The following BCAS3 variants were observed in gnomAD, a reference collection of about 807,000 sequenced individuals.
BCAS3 encodes BCAS4/BCAS3 fusion.
In BCAS3, 53 loss-of-function variants were observed where a neutral mutation model predicts 116.1. The observed-to-expected ratio is 0.46, with a 90% CI of 0.37 to 0.57. The LOEUF is 0.57. Among genes scored for constraint, BCAS3 ranks in the 20% least tolerant of loss-of-function variants. The pLI is 0.00. For missense variants in BCAS3, 917 were observed against 1,165.4 expected, an observed-to-expected ratio of 0.79 and a Z score of 3.10; for synonymous variants, 391 against 408.2, an observed-to-expected ratio of 0.96 and a Z score of 0.51.
At chr17:60,739,407 G>A (rs558584426) in intron 5 of BCAS3, among the ~76,000 whole-genome samples, 1 of 152,206 alleles carries the variant, frequency 6.6e-6, no homozygotes, top group South Asian at 2.1e-4. Context: ...ATCACCTGAG[G>A]TCAGGAGATC....
At chr17:60,733,443 C>T (rs1027678710) in intron 5 of BCAS3, among the ~76,000 whole-genome samples, 1 of 152,240 alleles carries the variant, frequency 6.6e-6, no homozygotes, top group Non-Finnish European at 1.5e-5. Context: ...ATTCAGAAGA[C>T]TCTTGACATG....
rs755966067 is a variant in BCAS3 at position 60,976,020 on chromosome 17, CT to C, written c.1222-13931del. ...GCAAACATTTGTATATAGATTTTTG[CT>C]TTTTTTTTTTTTTTTTTTTCTTTTT... On this transcript the variant is annotated intron_variant, in intron 14 of 23. Transcript: ENST00000407086. Among the ~76,000 whole-genome samples the C allele has an allele frequency of 3.7e-3, 360 of 98,270 alleles. 2 individuals are homozygous for C. Among genetic ancestry groups the C allele is most frequent in the African/African-American group, 8.2e-3 (196 of 24,024 alleles). The allele number at this position is 98,270 out of a possible 152,430, so 64.5% of individuals were successfully genotyped here. A position where few individuals can be genotyped will look rare whatever the true frequency, so the allele number is the denominator to read the frequency against.
At chr17:60,818,027 G>C (rs1008741532) in intron 7 of BCAS3, among the ~76,000 whole-genome samples, 1 of 151,818 alleles carries the variant, frequency 6.6e-6, no homozygotes, top group Non-Finnish European at 1.5e-5. Context: ...GCTAATTTTT[G>C]TAATTTTAGT....
rs1432225536 is a variant in BCAS3, at chr17:61,034,971, A to G, written c.1762+181A>G. 6.6e-6 allele frequency among the ~76,000 whole-genome samples: 1 copy of G among 152,156 alleles called. No homozygotes were observed. The highest frequency in any genetic ancestry group is 2.4e-5 in the African/African-American group (1 of 41,440). ...AGTCAAGAAGAAAAACTATCCTCTC[A>G]GTATGAACGTTAATGAATTGCCCAC... On this transcript the variant is annotated intron_variant, in intron 17 of 23. Coordinates refer to ENST00000407086, the MANE Select transcript of BCAS3 (RefSeq NM_017679.5). This position sits in a 1 kb window ranked among gnomAD's most constrained non-coding sequence, Gnocchi z 5.0.
intron 7 of BCAS3, 65 bp from the exon 8 acceptor site, chr17:60,868,511 G>A (rs1401808895): frequency 2.2e-6 from 2 of 921,818 alleles, no homozygotes; most frequent in Admixed American, 3.3e-5. Context: ...TAATGAGAAA[G>A]TATAGAGATT....
chr17:61,067,652 G>A (rs973981158), intron 19 of BCAS3, among the ~76,000 whole-genome samples: 5 of 149,540 alleles, frequency 3.3e-5, no homozygotes, highest in African/African-American at 1.2e-4. Flanking sequence ...GGAGGCGGAG[G>A]CTGCAGTGAG....
At chr17:60,916,572 C>G (rs2058788998) in intron 12 of BCAS3, among the ~76,000 whole-genome samples, 1 of 152,064 alleles carries the variant, frequency 6.6e-6, no homozygotes, top group Non-Finnish European at 1.5e-5. Context: ...TGTGAGATAT[C>G]CTTTTTAATG....
At chr17:60,910,038 G>C (rs1277101524) in intron 11 of BCAS3, among the ~76,000 whole-genome samples, 3 of 152,120 alleles carry the variant, frequency 2.0e-5, no homozygotes, top group Non-Finnish European at 1.5e-5. Context: ...CATATTCATA[G>C]ATTTGCTTTG....
chr17:61,286,967 G>C lies in BCAS3; in HGVS notation c.2426-81360G>C, dbSNP rs1370074855. The stretch of plus-strand genomic sequence containing the variant: ...CTTTACACCTAAAGAGCTCTATGGA[G>C]GCCAGGCGTGGTGGCTCGCGCCTGT... On this transcript the variant is annotated intron_variant, in intron 22 of 23. Coordinates refer to ENST00000407086, the MANE Select transcript of BCAS3 (RefSeq NM_017679.5). This position sits in a 1 kb window ranked among gnomAD's most constrained non-coding sequence, Gnocchi z 4.8. Among the ~76,000 whole-genome samples, 1 of 152,214 alleles carries C rather than the reference G, an allele frequency of 6.6e-6. No individual in the cohort carries two copies. The highest frequency in any genetic ancestry group is 2.4e-5 in the African/African-American group (1 of 41,462).
rs1197669998 is a variant in BCAS3, at chr17:61,165,571, AG to A, written c.2425+81008del. ...CATGGTGTCACATGCCTGTAATCCC[AG>A]CTACTCGGGAGGCTGAGGCAGGAGA... On this transcript the variant is annotated intron_variant, in intron 22 of 23. Coordinates refer to ENST00000407086, the MANE Select transcript of BCAS3 (RefSeq NM_017679.5). Among the ~76,000 whole-genome samples the A allele has an allele frequency of 2.2e-4, 33 of 152,204 alleles. No homozygotes were observed. In the East Asian group the frequency reaches 6.4e-3, roughly 29 times the overall value.
chr17:60,843,515 C>G (rs1402672389), intron 7 of BCAS3, among the ~76,000 whole-genome samples: 1 of 152,030 alleles, frequency 6.6e-6, no homozygotes, highest in Non-Finnish European at 1.5e-5. Flanking sequence ...CCACTGCACC[C>G]GGCCATACTA....
chr17:60,697,602 A>G (rs897802053), intron 4 of BCAS3, among the ~76,000 whole-genome samples: 2 of 149,780 alleles, frequency 1.3e-5, no homozygotes, highest in Non-Finnish European at 2.9e-5. Context: ...AAAAAAAAAA[A>G]AGATTCGGTT....
chr17:60,961,685 T>C lies in BCAS3; in HGVS notation c.1221+14333T>C, dbSNP rs772206352. Among the ~76,000 whole-genome samples, 1 of 152,126 alleles carries C rather than the reference T, an allele frequency of 6.6e-6. No individual in the cohort carries two copies. Among genetic ancestry groups the C allele is most frequent in the Non-Finnish European group, 1.5e-5 (1 of 68,014 alleles). ...AGTTCAGTGGTAATAAATACATTTC[T>C]ATTCCTTTTCTTCCCCTTCATTCAC... On this transcript the variant is annotated intron_variant, in intron 14 of 23. Coordinates refer to ENST00000407086, the MANE Select transcript of BCAS3 (RefSeq NM_017679.5). This position sits in a 1 kb window ranked among gnomAD's most constrained non-coding sequence, Gnocchi z 4.8.
chr17:60,858,091 T>A (rs1567725620), intron 7 of BCAS3, among the ~76,000 whole-genome samples: 1 of 152,116 alleles, frequency 6.6e-6, no homozygotes, highest in Non-Finnish European at 1.5e-5. Context: ...AATGTTAGAT[T>A]TCATTCATTA....
intron 22 of BCAS3, among the ~76,000 whole-genome samples, chr17:61,103,047 G>C (rs1012114144): frequency 6.6e-6 from 1 of 152,106 alleles, no homozygotes; most frequent in Non-Finnish European, 1.5e-5. Context: ...TCCAGAGCCT[G>C]TGTTTTTAGC....
rs1329334988 is a variant in BCAS3, at chr17:60,788,934, AC to A, written c.404-19068del. Among the ~76,000 whole-genome samples, 10 of 152,292 alleles carry A rather than the reference AC, an allele frequency of 6.6e-5. No homozygotes were observed. The East Asian group carries it at 1.7e-3, about 26-fold the overall frequency. ...ATTTAGATTTGCAAAATTTGACTAT[AC>A]CTTGAAAGCTCACATTGAGTGAATA... On this transcript the variant is annotated intron_variant, in intron 6 of 23. Coordinates refer to ENST00000407086, the MANE Select transcript of BCAS3 (RefSeq NM_017679.5).
chr17:61,364,961 G>A lies in BCAS3; in HGVS notation c.2426-3366G>A, dbSNP rs1399086719. 6.6e-6 allele frequency among the ~76,000 whole-genome samples: 1 copy of A among 152,148 alleles called. No homozygotes were observed. Among genetic ancestry groups the A allele is most frequent in the Admixed American group, 6.5e-5 (1 of 15,270 alleles). On this transcript the variant is annotated intron_variant, in intron 22 of 23. Transcript: ENST00000407086. The surrounding 1 kb of genome is among the most constrained non-coding windows in gnomAD (Gnocchi z 5.4). Reference sequence around the variant, plus strand: ...TGATGATGCCCCAAGTGGTATAAAGGCATACATATTTGTCATTAAGAACAT... The same window carrying A: ...TGATGATGCCCCAAGTGGTATAAAGACATACATATTTGTCATTAAGAACAT...
At chr17:61,006,608 G>A (rs1318974165) in intron 15 of BCAS3, among the ~76,000 whole-genome samples, 1 of 152,022 alleles carries the variant, frequency 6.6e-6, no homozygotes, top group Non-Finnish European at 1.5e-5. Flanking sequence ...ACTTTGGGGA[G>A]CACATTTCAC....
In BCAS3 at chr17:60,709,344, G is replaced by A; in HGVS notation, c.321+19G>A. ...CATCCCTGTAAGTACACATGTGGTTGAATACCTAAAACATACTTCCCAGCA... is the reference window on the plus strand; with the variant it reads ...CATCCCTGTAAGTACACATGTGGTTAAATACCTAAAACATACTTCCCAGCA... On this transcript the variant is annotated intron_variant, in intron 5 of 23. Coordinates refer to ENST00000407086, the MANE Select transcript of BCAS3 (RefSeq NM_017679.5). 7.2e-7 allele frequency: 1 copy of A among 1,384,052 alleles called. No homozygotes were observed. Among genetic ancestry groups the A allele is most frequent in the Non-Finnish European group, 1.0e-6 (1 of 975,528 alleles). The allele number at this position is 1,384,052 out of a possible 1,614,324, so 85.7% of individuals were successfully genotyped here.
Sources: allele counts gnomAD v4.1 joint callset (sites outside exome capture counted in the v4.1 genomes callset), GRCh38; gene constraint gnomAD v4.1.1; non-coding constraint Gnocchi (gnomAD v3.1); transcripts MANE v1.5; gene names NCBI Gene and HGNC (gene_info 2026-07-23, HGNC 2026-07-21).